The following ATP9A variants were observed in gnomAD, a reference collection of about 807,000 sequenced individuals.
The protein encoded by ATP9A is ATPase phospholipid transporting 9A.
A neutral mutation model predicts 144.1 loss-of-function variants in ATP9A; 52 were observed. The observed-to-expected ratio is 0.36, with a 90% CI of 0.29 to 0.45. ATP9A has a LOEUF of 0.45. ATP9A is among the 20% of genes least tolerant of loss of function. The probability of loss-of-function intolerance (pLI) is 1.00; values close to 1 mark genes in which losing one functional copy is unlikely to be tolerated. For synonymous variants in ATP9A, 582 were observed against 557.4 expected (o/e 1.04, Z -0.62); for missense variants, 947 against 1,392.7 (o/e 0.68, Z 5.09).
intron 4 of ATP9A, among the ~76,000 whole-genome samples, chr20:51,701,365 T>C (rs558057064): frequency 6.6e-6 from 1 of 152,342 alleles, no homozygotes; most frequent in Admixed American, 6.5e-5. Flanking sequence ...ATGAATTGTT[T>C]TTCCATTAAG....
Position 51,619,065 on chromosome 20 carries a change from G to C in ATP9A, c.2116-22C>G, listed in dbSNP as rs369152211. On this transcript the variant is annotated intron_variant, in intron 19 of 27. Transcript: ENST00000338821. Reference sequence around the variant, plus strand: ...TCACCTGGAAGGGAACAGAGATGGGGAAGGAGGCATTGCTCTCCGGACATG... The same window carrying C: ...TCACCTGGAAGGGAACAGAGATGGGCAAGGAGGCATTGCTCTCCGGACATG... 5.0e-6 allele frequency: 8 copies of C among 1,599,916 alleles called. No individual in the cohort carries two copies. The African/African-American group carries it at 6.7e-5, about 13-fold the overall frequency.
In ATP9A at chr20:51,647,742, GA is replaced by G. The variant is rs375285797; in HGVS notation, c.1507-8239del. Among the ~76,000 whole-genome samples the G allele has an allele frequency of 1.2e-4, 17 of 146,658 alleles. 1 individual carries two copies. Among genetic ancestry groups the G allele is most frequent in the Non-Finnish European group, 1.8e-4 (12 of 66,256 alleles). The stretch of plus-strand genomic sequence containing the variant: ...GAGACTCTGTCTCAAAAAAGAAAAA[GA>G]AAAAAAAAAGAAATGACTATATATT... On this transcript the variant is annotated intron_variant, in intron 14 of 27. Transcript: ENST00000338821.
chr20:51,710,739 C>T (rs2077634733), intron 4 of ATP9A, among the ~76,000 whole-genome samples: 1 of 152,172 alleles, frequency 6.6e-6, no homozygotes, highest in South Asian at 2.1e-4. Context: ...GTTTTTAATG[C>T]TAGAGCCATC....
Position 51,768,383 on chromosome 20 carries a change from C to CCCGCCTTGG in ATP9A, c.-15_-14insCCAAGGCGG, listed in dbSNP as rs1445979582. 9.6e-6 allele frequency: 11 copies of CCCGCCTTGG among 1,144,164 alleles called. No individual in the cohort carries two copies. The African/African-American group carries it at 1.8e-4, about 19-fold the overall frequency. 70.9% of individuals were successfully genotyped at this position (1,144,164 alleles called of 1,614,324 possible). On this transcript the variant is annotated 5_prime_UTR_variant, in exon 1 of 28. Coordinates refer to ENST00000338821, the MANE Select transcript of ATP9A (RefSeq NM_006045.3). ...GTTGTCCGTCATGTCGGCGGCGCCG[C>CCCGCCTTGG]CCGCCTTGGCCGCCGCGCCCCCCGC...
chr20:51,670,021 G>T lies in ATP9A; in HGVS notation c.1269C>A (p.Ser423Arg). ...CCTGGGTGTAAATGCTGAAAATGTGGCTTTGTACTTCGTCCATTGAGTCGA... is the reference window on the plus strand; with the variant it reads ...CCTGGGTGTAAATGCTGAAAATGTGTCTTTGTACTTCGTCCATTGAGTCGA... ...YGLDSMDEVQ[S>R]HIFSIYTQQS... Residue 423 changes from serine (S) to arginine (R), a missense_variant, in exon 13 of 28, where the codon AGC becomes AGA. Around this residue, in one of 2 missense-constraint regions of ATP9A, gnomAD observed 770 missense variants for 1,047.9 expected, o/e 0.73. Coordinates refer to ENST00000338821, the MANE Select transcript of ATP9A (RefSeq NM_006045.3). 1 of 1,614,070 alleles carries T rather than the reference G, an allele frequency of 6.2e-7. No individual in the cohort carries two copies.
intron 15 of ATP9A, among the ~76,000 whole-genome samples, chr20:51,636,828 C>A (rs73132052): frequency 6.6e-6 from 1 of 152,330 alleles, no homozygotes; most frequent in Non-Finnish European, 1.5e-5. Flanking sequence ...AGCCCCTGGG[C>A]GGGGTAATCC....
chr20:51,725,932 C>G lies in ATP9A; in HGVS notation c.214G>C (p.Val72Leu), dbSNP rs2077710477. ...AAGTATTTGAACTGGTTGAACAGCACCTGGAATGGAGGGAGACAACAGAGA... is the reference window on the plus strand; with the variant it reads ...AAGTATTTGAACTGGTTGAACAGCAGCTGGAATGGAGGGAGACAACAGAGA... ...KYNFFTFLPG[V>L]LFNQFKYFFN... Residue 72 changes from valine to leucine, a missense_variant and splice_region_variant, in exon 3 of 28, where the codon GTG (valine) becomes CTG (leucine). This residue lies in a region of ATP9A where 770 missense variants were observed against 1,047.9 expected (regional missense o/e 0.73). Coordinates refer to ENST00000338821, the MANE Select transcript of ATP9A (RefSeq NM_006045.3). 1 of 1,569,634 alleles carries G rather than the reference C, an allele frequency of 6.4e-7. No homozygotes were observed. Among genetic ancestry groups the G allele is most frequent in the Non-Finnish European group, 8.8e-7 (1 of 1,139,858 alleles).
At chr20:51,709,537 G>A (rs1489110633) in intron 4 of ATP9A, among the ~76,000 whole-genome samples, 1 of 152,066 alleles carries the variant, frequency 6.6e-6, no homozygotes, top group Admixed American at 6.6e-5. Context: ...GTGCAGCCTG[G>A]GCAACATGGC....
intron 1 of ATP9A, among the ~76,000 whole-genome samples, chr20:51,737,286 C>T (rs2077766733): frequency 1.3e-5 from 2 of 152,196 alleles, no homozygotes; most frequent in African/African-American, 4.8e-5. Context: ...AGTGACTGTT[C>T]GGTCCATGCA....
chr20:51,622,262 T>C, intron 18 of ATP9A, 90 bp from the exon 19 acceptor site: 2 of 1,047,520 alleles, frequency 1.9e-6, no homozygotes, highest in Non-Finnish European at 2.9e-6. Context: ...AACATGGAGC[T>C]GAACTTGGTA....
chr20:51,746,394 G>C (rs1449963421), intron 1 of ATP9A, among the ~76,000 whole-genome samples: 1 of 152,238 alleles, frequency 6.6e-6, no homozygotes, highest in East Asian at 1.9e-4. Flanking sequence ...CAGTTGTTAA[G>C]AGGGCAGTTA....
intron 14 of ATP9A, among the ~76,000 whole-genome samples, chr20:51,654,377 T>TC (rs1421825078): frequency 1.3e-5 from 2 of 151,840 alleles, no homozygotes; most frequent in Non-Finnish European, 2.9e-5. Flanking sequence ...CATTGTGCCA[T>TC]CCCCCAACCG....
chr20:51,693,738 T>G (rs966881190), intron 7 of ATP9A, among the ~76,000 whole-genome samples: 1 of 152,138 alleles, frequency 6.6e-6, no homozygotes, highest in Non-Finnish European at 1.5e-5. Context: ...AATGGCATGC[T>G]CTGGCTTACC....
rs995440939 is a variant in ATP9A, at chr20:51,610,104, A to G, written c.2633T>C (p.Ile878Thr). ...SVPLYQGFLI[I>T]GYSTIYTMFP... ...TTCCTTGGCAGGATTTCCTTACCCAATGATGAGGAATCCTTGATAGAGAGG... is the reference window on the plus strand; with the variant it reads ...TTCCTTGGCAGGATTTCCTTACCCAGTGATGAGGAATCCTTGATAGAGAGG... The change falls in exon 24 of 28, where the codon ATT becomes ACT. Residue 878 changes from isoleucine (I) to threonine (T), a missense_variant. Ile to Thr is a moderately conservative substitution (Grantham distance 89, BLOSUM62 -1). This residue lies in a region of ATP9A where 177 missense variants were observed against 344.9 expected (regional missense o/e 0.51). Transcript: ENST00000338821. 2.2e-5 allele frequency: 35 copies of G among 1,594,576 alleles called. No individual in the cohort carries two copies. Among genetic ancestry groups the G allele is most frequent in the Non-Finnish European group, 2.9e-5 (34 of 1,162,376 alleles).
At chr20:51,607,400 T>C (rs2077167671) in intron 26 of ATP9A, 127 bp downstream of exon 26, 4 of 792,722 alleles carry the variant, frequency 5.0e-6, no homozygotes, top group African/African-American at 3.4e-5. Context: ...CTCCCCTGGG[T>C]CCCACTGCCA....
chr20:51,613,660 G>A lies in ATP9A; in HGVS notation c.2571+17C>T. 3 of 1,609,118 alleles carry A rather than the reference G, an allele frequency of 1.9e-6. No individual in the cohort carries two copies. The highest frequency in any genetic ancestry group is 2.5e-6 in the Non-Finnish European group (3 of 1,177,016). ...TAGCCACAGGCACATGTGCAGAGGG[G>A]CCAGCTGTCCACTCACCTGCATGGT... On this transcript the variant is annotated intron_variant, in intron 23 of 27. Transcript: ENST00000338821.
At chr20:51,604,260 T>TA (rs1293751128) in intron 27 of ATP9A, among the ~76,000 whole-genome samples, 1 of 152,186 alleles carries the variant, frequency 6.6e-6, no homozygotes, top group African/African-American at 2.4e-5. Flanking sequence ...TCTGCCACCA[T>TA]AATCCTGGCA....
At chr20:51,655,398 G>C (rs2077382809) in intron 14 of ATP9A, among the ~76,000 whole-genome samples, 1 of 152,138 alleles carries the variant, frequency 6.6e-6, no homozygotes. Flanking sequence ...CTGAGTGACA[G>C]AGCAAAACAA....
intron 15 of ATP9A, among the ~76,000 whole-genome samples, chr20:51,631,614 C>T (rs571433890): frequency 5.9e-5 from 9 of 152,274 alleles, no homozygotes; most frequent in Non-Finnish European, 7.3e-5. Context: ...GGCAAGATTA[C>T]GCCATAAATT....
Sources: gnomAD v4.1 joint callset for allele counts (sites outside exome capture counted in the v4.1 genomes callset) on GRCh38, gnomAD v4.1.1 for gene constraint, gnomAD v4.1.1 regional missense constraint, MANE v1.5 for transcripts, NCBI Gene and HGNC (gene_info 2026-07-23, HGNC 2026-07-21) for gene names.